Variants in TMEM131 observed in about 807,000 individuals in gnomAD.
TMEM131 encodes the protein 2610524E03Rik.
Under a neutral mutation model 211.6 loss-of-function variants are expected in TMEM131, and 66 were observed. The observed-to-expected ratio is 0.31, with a 90% CI of 0.26 to 0.38. The LOEUF (loss-of-function observed/expected upper bound fraction) is 0.38, where lower values mean the gene tolerates loss of function less well. TMEM131 is among the 10% of genes least tolerant of loss of function. The probability of loss-of-function intolerance (pLI) is 1.00; values close to 1 mark genes in which losing one functional copy is unlikely to be tolerated. For synonymous variants in TMEM131, 844 were observed against 841.3 expected, an observed-to-expected ratio of 1.00 and a Z score of -0.06; for missense variants, 2,036 against 2,299.3, an observed-to-expected ratio of 0.89 and a Z score of 2.34.
rs578223112 is a variant in TMEM131, at chr2:97,951,918, G to A, written c.188-24431C>T. On this transcript the variant is annotated intron_variant, in intron 1 of 40. Coordinates refer to ENST00000186436, the MANE Select transcript of TMEM131 (RefSeq NM_015348.2). The stretch of plus-strand genomic sequence containing the variant: ...TCACACCTGTAATCCCAGCATTATG[G>A]GAGGCCAAGGCGGGCAGATCACGAG... 2.0e-5 allele frequency among the ~76,000 whole-genome samples: 3 copies of A among 152,180 alleles called. No individual in the cohort carries two copies. In the East Asian group the frequency reaches 5.8e-4, roughly 29 times the overall value.
At chr2:97,861,325 C>T (rs747133106) in intron 4 of TMEM131, among the ~76,000 whole-genome samples, 3 of 151,686 alleles carry the variant, frequency 2.0e-5, no homozygotes, top group Non-Finnish European at 4.4e-5. Flanking sequence ...CACCACTCCT[C>T]CTCCAACCCC....
At chr2:97,906,649 G>C (rs1344610498) in intron 3 of TMEM131, among the ~76,000 whole-genome samples, 2 of 152,184 alleles carry the variant, frequency 1.3e-5, no homozygotes, top group Non-Finnish European at 2.9e-5. Flanking sequence ...GCCACACAAA[G>C]AGGCCTACAT....
chr2:97,766,234 G>A lies in TMEM131; in HGVS notation c.4603C>T (p.Pro1535Ser), dbSNP rs756072439. ...GTSKLVDNRP[P>S]ALAKFLPNSQ... ...TTCGGGAGGAATTTTGCTAGGGCAG[G>A]TGGTCTGTTATCCACTAACTTACTT... is the stretch of plus-strand genomic sequence containing the variant. The change falls in exon 35 of 41, where the codon CCT (proline) becomes TCT (serine). Residue 1535 changes from proline (P) to serine (S), a missense_variant. This residue lies in a region of TMEM131 where 1,623 missense variants were observed against 1,805.9 expected (regional missense o/e 0.90). Transcript: ENST00000186436. 1.2e-6 allele frequency: 2 copies of A among 1,613,952 alleles called. No individual in the cohort carries two copies. Among genetic ancestry groups the A allele is most frequent in the African/African-American group, 1.3e-5 (1 of 74,956 alleles).
Position 97,827,327 on chromosome 2 carries a change from A to C in TMEM131, c.1074+6038T>G, listed in dbSNP as rs1252308714. 3.8e-6 allele frequency: 3 copies of C among 797,100 alleles called. No individual in the cohort carries two copies. The African/African-American group carries it at 5.0e-5, about 13-fold the overall frequency. 49.4% of individuals were successfully genotyped at this position (797,100 alleles called of 1,614,324 possible). ...AGGAGATCGGCGCGGTTGTCAGCTA[A>C]ACCTCCTGCAAAAGTGGAAGCAAAG... On this transcript the variant is annotated intron_variant, in intron 11 of 40. Transcript: ENST00000186436.
intron 40 of TMEM131, 101 bp downstream of exon 40, chr2:97,758,792 T>C: frequency 1.4e-6 from 2 of 1,451,248 alleles, no homozygotes; most frequent in Non-Finnish European, 1.9e-6. Context: ...ATGCTGCTGT[T>C]TGTTGTTTAT....
chr2:97,850,707 C>A (rs969721224), intron 5 of TMEM131, among the ~76,000 whole-genome samples: 2 of 151,754 alleles, frequency 1.3e-5, no homozygotes, highest in Non-Finnish European at 2.9e-5. Flanking sequence ...TGTGTATCCA[C>A]CTAAAAAAAA....
intron 4 of TMEM131, among the ~76,000 whole-genome samples, chr2:97,877,221 G>C (rs1425323802): frequency 6.6e-6 from 1 of 152,098 alleles, no homozygotes; most frequent in African/African-American, 2.4e-5. Flanking sequence ...CAAACAAATG[G>C]AAAAACATTC....
In TMEM131 at chr2:97,847,446, C is replaced by T. The variant is rs1683505202; in HGVS notation, c.484-3185G>A. Reference sequence around the variant, plus strand: ...AAAACGTACTATTTAGGATAACACACACACAAAGAAATACTGAGGTATAAA... The same window carrying T: ...AAAACGTACTATTTAGGATAACACATACACAAAGAAATACTGAGGTATAAA... On this transcript the variant is annotated intron_variant, in intron 5 of 40. Transcript: ENST00000186436. Among the ~76,000 whole-genome samples, 3 of 152,248 alleles carry T rather than the reference C, an allele frequency of 2.0e-5. 1 individual carries two copies. The South Asian group carries it at 6.2e-4, about 31-fold the overall frequency.
chr2:97,897,041 A>T (rs1675644398), intron 3 of TMEM131, among the ~76,000 whole-genome samples: 1 of 151,828 alleles, frequency 6.6e-6, no homozygotes, highest in Non-Finnish European at 1.5e-5. Flanking sequence ...AGGTCTCAAC[A>T]TTTTTTTTGT....
intron 2 of TMEM131, among the ~76,000 whole-genome samples, chr2:97,923,524 A>C (rs1676832767): frequency 6.7e-6 from 1 of 148,548 alleles, no homozygotes; most frequent in Non-Finnish European, 1.5e-5. Flanking sequence ...TGAGAGGCTG[A>C]GGGAGGAGGG....
At chr2:97,837,907 C>T (rs1349020437) in intron 7 of TMEM131, among the ~76,000 whole-genome samples, 5 of 152,188 alleles carry the variant, frequency 3.3e-5, no homozygotes, top group Non-Finnish European at 7.4e-5. Flanking sequence ...TATTTCTAGG[C>T]AACCACTGAT....
intron 2 of TMEM131, among the ~76,000 whole-genome samples, chr2:97,923,836 T>C (rs1173651351): frequency 1.3e-5 from 2 of 151,982 alleles, no homozygotes; most frequent in East Asian, 1.9e-4. Context: ...ATCCCCGCAC[T>C]TGGGGAGGCT....
intron 1 of TMEM131, among the ~76,000 whole-genome samples, chr2:97,956,887 C>T (rs1291594260): frequency 6.6e-6 from 1 of 152,040 alleles, no homozygotes; most frequent in African/African-American, 2.4e-5. Flanking sequence ...CACCTGAGGT[C>T]AGGAGTTTGA....
At chr2:97,788,733 G>A (rs1039095829) in intron 31 of TMEM131, among the ~76,000 whole-genome samples, 4 of 152,172 alleles carry the variant, frequency 2.6e-5, no homozygotes, top group African/African-American at 7.2e-5. Flanking sequence ...CTGGAAAACC[G>A]TAGCAAGCAG....
intron 4 of TMEM131, among the ~76,000 whole-genome samples, chr2:97,883,257 TTGTC>T (rs772531704): frequency 6.6e-6 from 1 of 152,248 alleles, no homozygotes; most frequent in Non-Finnish European, 1.5e-5. Context: ...CGAAGTTTGT[TTGTC>T]TGTTTCCACT....
intron 31 of TMEM131, among the ~76,000 whole-genome samples, chr2:97,785,529 G>A (rs1293126750): frequency 6.6e-6 from 1 of 152,170 alleles, no homozygotes; most frequent in African/African-American, 2.4e-5. Context: ...ATGCTGCTGA[G>A]GATGTGGAGA....
intron 1 of TMEM131, among the ~76,000 whole-genome samples, chr2:97,983,358 T>G (rs1679883812): frequency 6.6e-6 from 1 of 152,138 alleles, no homozygotes; most frequent in Non-Finnish European, 1.5e-5. Flanking sequence ...GACCCCCTCT[T>G]CCCATCATGG....
chr2:97,864,042 C>T (rs1674172184), intron 4 of TMEM131, among the ~76,000 whole-genome samples: 1 of 152,106 alleles, frequency 6.6e-6, no homozygotes, highest in Non-Finnish European at 1.5e-5. Flanking sequence ...TACTATTCAA[C>T]CATGAAAAAT....
chr2:97,889,043 A>C (rs1208490012), intron 3 of TMEM131, among the ~76,000 whole-genome samples: 1 of 152,230 alleles, frequency 6.6e-6, no homozygotes, highest in Non-Finnish European at 1.5e-5. Context: ...AGGAGATACA[A>C]GAAATAATTA....
Sources: gnomAD v4.1 joint callset for allele counts (sites outside exome capture counted in the v4.1 genomes callset) on GRCh38, gnomAD v4.1.1 for gene constraint, gnomAD v4.1.1 regional missense constraint, MANE v1.5 for transcripts, NCBI Gene and HGNC (gene_info 2026-07-23, HGNC 2026-07-21) for gene names.